PTPN13: variants seen among roughly 807,000 people sequenced by gnomAD.
PTPN13 encodes tyrosine-protein phosphatase non-receptor type 13.
In PTPN13, 191 loss-of-function variants were observed where a neutral mutation model predicts 284.0. That is an observed-to-expected ratio of 0.67 (90% CI 0.60 to 0.76). PTPN13 has a LOEUF of 0.76. PTPN13 is among the 30% of genes least tolerant of loss of function. PTPN13 has a pLI of 0.00. For synonymous variants in PTPN13, 986 were observed against 1,022.3 expected (o/e 0.96, Z 0.68); for missense variants, 2,797 against 2,939.9 (o/e 0.95, Z 1.12).
intron 2 of PTPN13, among the ~76,000 whole-genome samples, chr4:86,648,882 A>T (rs1376623774): frequency 3.9e-5 from 6 of 151,968 alleles, no homozygotes; most frequent in Non-Finnish European, 1.5e-5. Context: ...TCTTATCCTC[A>T]CCAACATTTA....
At chr4:86,809,466 G>A (rs1744989014) in intron 45 of PTPN13, among the ~76,000 whole-genome samples, 1 of 152,178 alleles carries the variant, frequency 6.6e-6, no homozygotes, top group South Asian at 2.1e-4. Context: ...GGGAGGCCAA[G>A]GTGAGTGGAT....
At chr4:86,690,986 G>A (rs927534985) in intron 5 of PTPN13, among the ~76,000 whole-genome samples, 1 of 151,892 alleles carries the variant, frequency 6.6e-6, no homozygotes, top group South Asian at 2.1e-4. Flanking sequence ...ATGAAAGAAG[G>A]CTATAAAATG....
Position 86,775,486 on chromosome 4 carries a change from T to C in PTPN13, c.5725T>C (p.Tyr1909His), listed in dbSNP as rs1740529439. The change falls in exon 35 of 48, where the codon TAT becomes CAT. Residue 1909 changes from tyrosine to histidine, a missense_variant. Coordinates refer to ENST00000411767, the MANE Select transcript of PTPN13 (RefSeq NM_080683.3). ...GGHDSLYQVVYISDINPRSVA... is the reference protein window; with the variant it reads ...GGHDSLYQVVHISDINPRSVA... ...TCATGACAGCCTTTATCAAGTGGTA[T>C]ATATTAGTGATATTAATCCAAGGTC... 1 of 1,609,890 alleles carries C rather than the reference T, an allele frequency of 6.2e-7. No homozygotes were observed. Among genetic ancestry groups the C allele is most frequent in the South Asian group, 1.1e-5 (1 of 90,936 alleles).
chr4:86,761,716 A>G (rs900850631), intron 23 of PTPN13, among the ~76,000 whole-genome samples: 3 of 152,174 alleles, frequency 2.0e-5, no homozygotes, highest in Admixed American at 6.5e-5. Context: ...TTTCCAGTCT[A>G]CATATCCCTT....
At chr4:86,650,353 C>T (rs1724948579) in intron 2 of PTPN13, among the ~76,000 whole-genome samples, 1 of 152,014 alleles carries the variant, frequency 6.6e-6, no homozygotes, top group Non-Finnish European at 1.5e-5. Context: ...ACTCTGTCAC[C>T]CAGGTTGGAG....
At chr4:86,635,934 G>A (rs1722963682) in intron 2 of PTPN13, among the ~76,000 whole-genome samples, 1 of 152,126 alleles carries the variant, frequency 6.6e-6, no homozygotes, top group Admixed American at 6.6e-5. Flanking sequence ...CTGCACTCCA[G>A]CCTGGGTGAC....
At chr4:86,648,137 A>G (rs1724650822) in intron 2 of PTPN13, among the ~76,000 whole-genome samples, 1 of 152,108 alleles carries the variant, frequency 6.6e-6, no homozygotes, top group African/African-American at 2.4e-5. Context: ...TACATGTGAT[A>G]TTTTGAAAAA....
intron 2 of PTPN13, among the ~76,000 whole-genome samples, chr4:86,658,423 C>A (rs939671157): frequency 7.2e-5 from 11 of 152,154 alleles, no homozygotes; most frequent in African/African-American, 2.7e-4. Flanking sequence ...CTCACCTGAT[C>A]TTTTTGTTCT....
chr4:86,702,356 A>C (rs1023607077), intron 7 of PTPN13, among the ~76,000 whole-genome samples: 1 of 152,190 alleles, frequency 6.6e-6, no homozygotes, highest in Non-Finnish European at 1.5e-5. Flanking sequence ...CTTTTGAATC[A>C]TAGTACATTT....
intron 36 of PTPN13, 33 bp downstream of exon 36, chr4:86,780,505 A>G (rs933576919): frequency 2.1e-6 from 3 of 1,403,866 alleles, no homozygotes; most frequent in Non-Finnish European, 3.0e-6. Context: ...GTACTCTCCT[A>G]CGGTAATGGG....
chr4:86,637,294 A>G (rs1323727070), intron 2 of PTPN13, among the ~76,000 whole-genome samples: 2 of 152,124 alleles, frequency 1.3e-5, no homozygotes, highest in Non-Finnish European at 2.9e-5. Context: ...ATTCCAATCA[A>G]CAGAAAAAGA....
chr4:86,771,032 C>T, intron 30 of PTPN13, 139 bp from the exon 31 acceptor site: 1 of 820,800 alleles, frequency 1.2e-6, no homozygotes, highest in South Asian at 2.2e-5. Flanking sequence ...ATTATTTTCT[C>T]TATTGAACAT....
chr4:86,750,751 C>T lies in PTPN13; in HGVS notation c.2932C>T (p.Leu978Phe), dbSNP rs751237050. 2 of 1,613,626 alleles carry T rather than the reference C, an allele frequency of 1.2e-6. No homozygotes were observed. Among genetic ancestry groups the T allele is most frequent in the South Asian group, 2.2e-5 (2 of 91,016 alleles). ...ATACCATGATCTCAGTCAGGCCTCT[C>T]TCTATCCACATCGGAAAAATGTCAT... The part of the protein sequence containing the change: ...KSYHDLSQAS[L>F]YPHRKNVIVN... The change falls in exon 18 of 48, where the codon CTC becomes TTC. Residue 978 changes from leucine (L) to phenylalanine (F), a missense_variant. By Grantham distance (22) the Leu-to-Phe change is conservative. Coordinates refer to ENST00000411767, the MANE Select transcript of PTPN13 (RefSeq NM_080683.3).
In PTPN13 at chr4:86,732,453, G is replaced by A; in HGVS notation, c.1662G>A (p.Leu554=). 1 of 1,601,762 alleles carries A rather than the reference G, an allele frequency of 6.2e-7. No individual in the cohort carries two copies. Among genetic ancestry groups the A allele is most frequent in the Non-Finnish European group, 8.5e-7 (1 of 1,173,112 alleles). ...TGACAATTGAACCATTTATATCTTTGGATTTGCCACGGTCTATTCTTGTAA... is the reference window on the plus strand; with the variant it reads ...TGACAATTGAACCATTTATATCTTTAGATTTGCCACGGTCTATTCTTGTAA... The part of the protein sequence containing the change: ...VKMTIEPFIS[L]DLPRSILTKK... The change falls in exon 11 of 48, where the codon TTG becomes TTA. Residue 554 remains leucine (L), a synonymous_variant. Coordinates refer to ENST00000411767, the MANE Select transcript of PTPN13 (RefSeq NM_080683.3).
Position 86,638,379 on chromosome 4 carries a change from T to C in PTPN13, c.115+3008T>C, listed in dbSNP as rs959709203. Among the ~76,000 whole-genome samples, 12 of 152,312 alleles carry C rather than the reference T, an allele frequency of 7.9e-5. No individual in the cohort carries two copies. The South Asian group carries it at 2.5e-3, about 32-fold the overall frequency. ...AGAGCCTGCATCGCCAAGTCAGTCCTAAACCAAAAGAACAAAGCTGGAGGC... is the reference window on the plus strand; with the variant it reads ...AGAGCCTGCATCGCCAAGTCAGTCCCAAACCAAAAGAACAAAGCTGGAGGC... On this transcript the variant is annotated intron_variant, in intron 2 of 47. Coordinates refer to ENST00000411767, the MANE Select transcript of PTPN13 (RefSeq NM_080683.3).
chr4:86,791,859 C>T (rs922378940), intron 40 of PTPN13, among the ~76,000 whole-genome samples: 1 of 152,174 alleles, frequency 6.6e-6, no homozygotes, highest in Non-Finnish European at 1.5e-5. Flanking sequence ...AGGTCACCAA[C>T]ATCTAAGACC....
chr4:86,723,232 G>A (rs1395089980), intron 10 of PTPN13, among the ~76,000 whole-genome samples: 1 of 152,110 alleles, frequency 6.6e-6, no homozygotes, highest in African/African-American at 2.4e-5. Flanking sequence ...ATTAGCTGTT[G>A]AAAGTAATGC....
At chr4:86,782,178 TA>T (rs778575518) in intron 36 of PTPN13, 22 bp from the exon 37 acceptor site, 1 of 1,561,876 alleles carries the variant, frequency 6.4e-7, no homozygotes, top group African/African-American at 1.4e-5. Flanking sequence ...CTCATCCCCT[TA>T]CTTCCTATAT....
intron 1 of PTPN13, among the ~76,000 whole-genome samples, chr4:86,608,036 A>C (rs1764947815): frequency 6.6e-6 from 1 of 152,110 alleles, no homozygotes. Context: ...TTTTGTGGTC[A>C]TCAAAAATTA....
Sources: gnomAD v4.1 joint callset for allele counts (sites outside exome capture counted in the v4.1 genomes callset) on GRCh38, gnomAD v4.1.1 for gene constraint, MANE v1.5 for transcripts, NCBI Gene and HGNC (gene_info 2026-07-23, HGNC 2026-07-21) for gene names.